The following SMOC2 variants were observed in gnomAD, a reference collection of about 807,000 sequenced individuals.
The protein encoded by SMOC2 is SPARC-related modular calcium-binding protein 2.
SMOC2 carries 39 observed loss-of-function variants against 61.4 expected under a neutral mutation model. The observed-to-expected ratio is 0.64, with a 90% CI of 0.49 to 0.83. The LOEUF is 0.83. Ranked by LOEUF, SMOC2 falls within the 40% of genes least tolerant of loss-of-function variation. SMOC2 has a pLI of 0.00. For missense variants in SMOC2, 556 were observed against 592.9 expected (o/e 0.94, Z 0.65); for synonymous variants, 247 against 239.9 (o/e 1.03, Z -0.27).
chr6:168,441,730 C>T (rs949005166), intron 1 of SMOC2, among the ~76,000 whole-genome samples: 3 of 152,292 alleles, frequency 2.0e-5, no homozygotes, highest in Middle Eastern at 6.8e-3. Flanking sequence ...GGCTGGGACC[C>T]CACCTGCCTC....
At chr6:168,659,943 G>GAGGTTGTAGGTTGAGTA in intron 11 of SMOC2, among the ~76,000 whole-genome samples, 1 of 146,240 alleles carries the variant, frequency 6.8e-6, no homozygotes, top group Non-Finnish European at 1.5e-5. Context: ...GGTGAGGGTG[G>GAGGTTGTAGGTTGAGTA]AGGTTGTAGG....
chr6:168,577,872 A>G (rs139541129), intron 7 of SMOC2, among the ~76,000 whole-genome samples: 10 of 152,304 alleles, frequency 6.6e-5, no homozygotes, highest in Admixed American at 2.0e-4. Flanking sequence ...GCTTTGGAAG[A>G]GACCTGCCTT....
At position 168,650,706 on chromosome 6, in the gene SMOC2, G is replaced by A; in HGVS notation, c.933G>A (p.Glu311=). 1 of 1,613,842 alleles carries A rather than the reference G, an allele frequency of 6.2e-7. No homozygotes were observed. Among genetic ancestry groups the A allele is most frequent in the Non-Finnish European group, 8.5e-7 (1 of 1,179,968 alleles). The change falls in exon 10 of 13, where the codon GAG becomes GAA. Residue 311 remains glutamate (E), a synonymous_variant. Transcript: ENST00000356284. The part of the protein sequence containing the change: ...LQGCPGAKKH[E]FLTSVLDALS... The stretch of plus-strand genomic sequence containing the variant: ...GTTGTCCGGGTGCCAAAAAGCATGA[G>A]TTTCTGACCAGCGTTCTGGACGCGC...
Position 168,543,780 on chromosome 6 carries a change from G to A in SMOC2, c.511+108G>A, listed in dbSNP as rs1783928831. ...ACATCCACTAGTGATGATGATGAGA[G>A]CCGAACCAGTTTGTTACTTCTGCAT... is the stretch of plus-strand genomic sequence containing the variant. On this transcript the variant is annotated intron_variant, in intron 5 of 12. Transcript: ENST00000356284. 3 of 1,021,372 alleles carry A rather than the reference G, an allele frequency of 2.9e-6. No individual in the cohort carries two copies. In the African/African-American group the frequency reaches 4.9e-5, roughly 17 times the overall value. The allele number at this position is 1,021,372 out of a possible 1,614,324, so 63.3% of individuals were successfully genotyped here. A position where few individuals can be genotyped will look rare whatever the true frequency, so the allele number is the denominator to read the frequency against.
At chr6:168,518,636 A>ACT (rs1783217064) in intron 2 of SMOC2, among the ~76,000 whole-genome samples, 2 of 147,926 alleles carry the variant, frequency 1.4e-5, no homozygotes, top group East Asian at 4.0e-4. Flanking sequence ...TGCATGTGTG[A>ACT]GTGTATGCTT....
intron 1 of SMOC2, among the ~76,000 whole-genome samples, chr6:168,467,273 A>C (rs1025631292): frequency 2.7e-5 from 4 of 150,700 alleles, no homozygotes; most frequent in African/African-American, 4.9e-5. Context: ...TCCTGGGCTC[A>C]ACACTTGGGG....
intron 8 of SMOC2, among the ~76,000 whole-genome samples, chr6:168,602,087 T>C (rs2880405): frequency 0.51 from 77,432 of 151,958 alleles, 19,963 homozygotes; most frequent in Admixed American, 0.59. Context: ...AAACCCTCTT[T>C]CAGGGACTGA....
rs116274530 is a variant in SMOC2, at chr6:168,626,538, C to T, written c.907+18299C>T. On this transcript the variant is annotated intron_variant, in intron 9 of 12. Coordinates refer to ENST00000356284, the MANE Select transcript of SMOC2 (RefSeq NM_001166412.2). ...AGACAGGCCTGAGGCACTGGGGTTC[C>T]GCCGCGACACTCCACATTCTGCTAC... Among the ~76,000 whole-genome samples, 919 of 152,272 alleles carry T rather than the reference C, an allele frequency of 6.0e-3. 12 individuals carry two copies. The highest frequency in any genetic ancestry group is 0.02 in the African/African-American group (832 of 41,552).
At chr6:168,633,540 A>G (rs1400735904) in intron 9 of SMOC2, among the ~76,000 whole-genome samples, 1 of 151,870 alleles carries the variant, frequency 6.6e-6, no homozygotes, top group Non-Finnish European at 1.5e-5. Context: ...AATATGAAAA[A>G]CTCAATAATT....
At chr6:168,533,950 TTAAAA>T in intron 4 of SMOC2, among the ~76,000 whole-genome samples, 1 of 152,162 alleles carries the variant, frequency 6.6e-6, no homozygotes, top group Admixed American at 6.5e-5. Context: ...TTTTATCTGT[TTAAAA>T]TACTTGTAGG....
chr6:168,590,790 G>A (rs905481609), intron 7 of SMOC2, among the ~76,000 whole-genome samples: 10 of 152,032 alleles, frequency 6.6e-5, no homozygotes, highest in East Asian at 1.9e-4. Context: ...TCTGGCAGCT[G>A]CTTATTATCA....
rs1329928457 is a variant in SMOC2 at position 168,599,692 on chromosome 6, TCA to T, written c.824+698_824+699del. Among the ~76,000 whole-genome samples, 476 of 103,592 alleles carry T rather than the reference TCA, an allele frequency of 4.6e-3. 4 individuals are homozygous for T. The highest frequency in any genetic ancestry group is 0.014 in the African/African-American group (354 of 25,618). 68.0% of individuals were successfully genotyped at this position (103,592 alleles called of 152,430 possible). A position where few individuals can be genotyped will look rare whatever the true frequency, so the allele number is the denominator to read the frequency against. On this transcript the variant is annotated intron_variant, in intron 8 of 12. Coordinates refer to ENST00000356284, the MANE Select transcript of SMOC2 (RefSeq NM_001166412.2). ...CACTCCCCTACACACTCTCACACTC[TCA>T]CACACACACCCACAGTCACACACAA...
At chr6:168,533,365 A>G (rs539484728) in intron 4 of SMOC2, among the ~76,000 whole-genome samples, 2 of 152,326 alleles carry the variant, frequency 1.3e-5, no homozygotes, top group African/African-American at 4.8e-5. Context: ...CTTGTCCTCC[A>G]TCTGAAATGG....
At chr6:168,615,597 A>G (rs1786061789) in intron 9 of SMOC2, among the ~76,000 whole-genome samples, 1 of 104,482 alleles carries the variant, frequency 9.6e-6, no homozygotes, top group African/African-American at 3.8e-5. Context: ...ACCTACAGCC[A>G]GCACAGGGGG....
At chr6:168,656,420 A>G (rs916743333) in intron 11 of SMOC2, among the ~76,000 whole-genome samples, 3 of 147,342 alleles carry the variant, frequency 2.0e-5, no homozygotes, top group Admixed American at 1.4e-4. Context: ...CTGAGGCACA[A>G]TTGCTTGAAT....
chr6:168,582,590 C>T (rs550527310), intron 7 of SMOC2, among the ~76,000 whole-genome samples: 5 of 152,240 alleles, frequency 3.3e-5, no homozygotes, highest in African/African-American at 7.2e-5. Flanking sequence ...CAGTTGTTGC[C>T]GATTTTGAAT....
At chr6:168,454,828 G>A (rs1432589214) in intron 1 of SMOC2, among the ~76,000 whole-genome samples, 1 of 152,256 alleles carries the variant, frequency 6.6e-6, no homozygotes, top group Non-Finnish European at 1.5e-5. Context: ...TGAAGACGCT[G>A]CTGGGGACAG....
chr6:168,515,967 C>T lies in SMOC2; in HGVS notation c.256+5881C>T, dbSNP rs922682444. 2.0e-5 allele frequency among the ~76,000 whole-genome samples: 3 copies of T among 152,342 alleles called. No homozygotes were observed. In the East Asian group the frequency reaches 5.8e-4, roughly 29 times the overall value. The stretch of plus-strand genomic sequence containing the variant: ...ACACAAATAAACCTCCAGGTTTTCT[C>T]TACGTGATTCCTGGAGTGGGCGCTG... On this transcript the variant is annotated intron_variant, in intron 2 of 12. Transcript: ENST00000356284.
chr6:168,598,788 G>A (rs1785394612), intron 7 of SMOC2, 30 bp from the exon 8 acceptor site: 1 of 1,611,866 alleles, frequency 6.2e-7, no homozygotes, highest in Admixed American at 1.7e-5. Context: ...GCTGGATCCT[G>A]CTCACCTTTT....
Sources: allele counts gnomAD v4.1 joint callset (sites outside exome capture counted in the v4.1 genomes callset), GRCh38; gene constraint gnomAD v4.1.1; transcripts MANE v1.5; gene names NCBI Gene and HGNC (gene_info 2026-07-23, HGNC 2026-07-21).